The following USH2A variants were observed in gnomAD, a reference collection of about 807,000 sequenced individuals.
USH2A encodes the protein Usher syndrome 2A (autosomal recessive, mild).
USH2A carries 443 observed loss-of-function variants against 538.9 expected under a neutral mutation model. That is an observed-to-expected ratio of 0.82 (90% confidence interval 0.76 to 0.89). The LOEUF is 0.89. Among genes scored for constraint, USH2A ranks in the 40% least tolerant of loss-of-function variants. The probability of loss-of-function intolerance (pLI) is 0.00; values close to 1 mark genes in which losing one functional copy is unlikely to be tolerated. For missense variants in USH2A, 6,633 were observed against 6,324.8 expected (o/e 1.05, Z -1.65); for synonymous variants, 2,413 against 2,273.5 (o/e 1.06, Z -1.75).
chr1:216,159,537 T>TACAC (rs60343349), intron 21 of USH2A, among the ~76,000 whole-genome samples: 47,701 of 146,614 alleles, frequency 0.33, 7,623 homozygotes, highest in South Asian at 0.35. Flanking sequence ...TTTATTTATG[T>TACAC]ACACACACAC....
intron 40 of USH2A, 144 bp downstream of exon 40, chr1:215,899,931 T>C: frequency 5.8e-6 from 7 of 1,203,064 alleles, no homozygotes; most frequent in Non-Finnish European, 8.3e-6. Flanking sequence ...CCACCTTTGC[T>C]CACTCTCTTG....
intron 42 of USH2A, 77 bp from the exon 43 acceptor site, chr1:215,877,957 G>T (rs1264475137): frequency 5.0e-6 from 8 of 1,594,022 alleles, no homozygotes; most frequent in Non-Finnish European, 6.0e-6. Flanking sequence ...GCTGTTCTGT[G>T]GCATGTGCGT....
At chr1:216,308,588 T>TA (rs2037361646) in intron 9 of USH2A, among the ~76,000 whole-genome samples, 1 of 152,226 alleles carries the variant, frequency 6.6e-6, no homozygotes, top group African/African-American at 2.4e-5. Flanking sequence ...GTTGTCTTGC[T>TA]AATGACAACT....
chr1:216,019,854 G>A (rs184161211), intron 32 of USH2A, among the ~76,000 whole-genome samples: 3 of 152,278 alleles, frequency 2.0e-5, no homozygotes, highest in Admixed American at 2.0e-4. Flanking sequence ...AGGTTAGGTT[G>A]TAAATAAATA....
intron 21 of USH2A, among the ~76,000 whole-genome samples, chr1:216,171,010 A>T (rs1200406666): frequency 1.3e-5 from 2 of 151,942 alleles, no homozygotes; most frequent in Admixed American, 1.3e-4. Context: ...AACTATTTTA[A>T]TTTTCTGCTT....
At chr1:216,007,873 A>C (rs569392765) in intron 32 of USH2A, among the ~76,000 whole-genome samples, 1 of 152,350 alleles carries the variant, frequency 6.6e-6, no homozygotes, top group Admixed American at 6.5e-5. Context: ...ATGGGAGTAA[A>C]GTCAGATATT....
chr1:216,207,268 C>G lies in USH2A; in HGVS notation c.3316+5G>C, dbSNP rs1442104013. 3.1e-6 allele frequency: 5 copies of G among 1,613,800 alleles called. No individual in the cohort carries two copies. In the African/African-American group the frequency reaches 6.7e-5, roughly 22 times the overall value. ...TTATTTCTATTACCAAACCCTTAAA[C>G]TCACTGTATGGGTATTGATCCTCTG... On this transcript the variant is annotated splice_donor_5th_base_variant and intron_variant, in intron 16 of 71. Coordinates refer to ENST00000307340, the MANE Select transcript of USH2A (RefSeq NM_206933.4).
intron 2 of USH2A, among the ~76,000 whole-genome samples, chr1:216,418,938 T>C (rs1253701932): frequency 1.3e-5 from 2 of 152,146 alleles, no homozygotes; most frequent in African/African-American, 2.4e-5. Flanking sequence ...AGATTCATGA[T>C]GGAAACTAAA....
intron 62 of USH2A, among the ~76,000 whole-genome samples, chr1:215,679,507 GA>G (rs1658153581): frequency 6.6e-6 from 1 of 152,216 alleles, no homozygotes; most frequent in South Asian, 2.1e-4. Context: ...GAACATCAGA[GA>G]GGTAGATGAA....
rs758735612 is a variant in USH2A, at chr1:216,060,923, A to G, written c.6049+9178T>C. On this transcript the variant is annotated intron_variant, in intron 30 of 71. Transcript: ENST00000307340. ...CAGCTTTGCATGTTAACAGGGCTGC[A>G]GGAAAAATCAGCAAAAGCTACCCAG... 2.8e-3 allele frequency among the ~76,000 whole-genome samples: 433 copies of G among 152,324 alleles called. 8 individuals carry two copies. Among genetic ancestry groups the G allele is most frequent in the Non-Finnish European group, 2.6e-3 (177 of 68,028 alleles).
At chr1:215,937,158 C>T (rs538940135) in intron 37 of USH2A, among the ~76,000 whole-genome samples, 59 of 151,832 alleles carry the variant, frequency 3.9e-4, no homozygotes, top group Non-Finnish European at 6.9e-4. Context: ...TGCTTGTGGG[C>T]TAAAACGTGA....
At chr1:216,135,839 G>T (rs1411550797) in intron 21 of USH2A, among the ~76,000 whole-genome samples, 1 of 152,028 alleles carries the variant, frequency 6.6e-6, no homozygotes, top group Admixed American at 6.6e-5. Flanking sequence ...ATTTTTGCTT[G>T]TTAGAATTCT....
chr1:215,905,605 T>A (rs1665620431), intron 38 of USH2A, among the ~76,000 whole-genome samples: 1 of 152,080 alleles, frequency 6.6e-6, no homozygotes, highest in Non-Finnish European at 1.5e-5. Context: ...AGAAACTCAC[T>A]TCCAGGGGTG....
chr1:215,759,635 T>C (rs1307573800), intron 57 of USH2A, 25 bp downstream of exon 57: 4 of 1,613,434 alleles, frequency 2.5e-6, no homozygotes, highest in East Asian at 2.2e-5. Flanking sequence ...TGCTGTATGA[T>C]TGGTAAAGTT....
intron 63 of USH2A, 109 bp downstream of exon 63, chr1:215,673,991 G>GA: frequency 1.3e-6 from 2 of 1,592,570 alleles, no homozygotes; most frequent in African/African-American, 1.3e-5. Flanking sequence ...GGAGGTTGGG[G>GA]ACACCTTGCA....
At chr1:215,646,290 T>C (rs373349773) in intron 67 of USH2A, among the ~76,000 whole-genome samples, 2 of 152,142 alleles carry the variant, frequency 1.3e-5, no homozygotes, top group East Asian at 3.9e-4. Flanking sequence ...TAAAGATTTT[T>C]CAGCAAAGGA....
chr1:216,420,318 C>T (rs774095064), intron 2 of USH2A, among the ~76,000 whole-genome samples: 3 of 152,008 alleles, frequency 2.0e-5, no homozygotes, highest in Non-Finnish European at 4.4e-5. Context: ...ATTTTGTTTG[C>T]TTGTAAACAT....
chr1:216,246,017 G>C (rs1330686300), intron 13 of USH2A, among the ~76,000 whole-genome samples: 1 of 152,158 alleles, frequency 6.6e-6, no homozygotes, highest in Non-Finnish European at 1.5e-5. Flanking sequence ...GCCATAGATG[G>C]GGTCTATCCC....
chr1:216,231,272 AAT>A (rs2035682694), intron 14 of USH2A, among the ~76,000 whole-genome samples: 1 of 43,728 alleles, frequency 2.3e-5, no homozygotes, highest in Non-Finnish European at 4.7e-5. Context: ...ATATATATAT[AAT>A]ATATATACAC....
Sources: allele counts gnomAD v4.1 joint callset (sites outside exome capture counted in the v4.1 genomes callset), GRCh38; gene constraint gnomAD v4.1.1; transcripts MANE v1.5; gene names NCBI Gene and HGNC (gene_info 2026-07-23, HGNC 2026-07-21).